Variants in LRMDA observed in about 807,000 individuals in gnomAD.
LRMDA encodes leucine rich melanocyte differentiation associated, also known as leucine-rich melanocyte differentiation-associated protein.
In LRMDA, 18 loss-of-function variants were observed where a neutral mutation model predicts 29.8. The observed-to-expected ratio is 0.60, with a 90% confidence interval of 0.42 to 0.90. The LOEUF (loss-of-function observed/expected upper bound fraction) is 0.90, where lower values mean the gene tolerates loss of function less well. Ranked by LOEUF, LRMDA falls within the 40% of genes least tolerant of loss-of-function variation. The probability of loss-of-function intolerance (pLI) is 0.00; values close to 1 mark genes in which losing one functional copy is unlikely to be tolerated. For synonymous variants in LRMDA, 125 were observed against 109.4 expected, an observed-to-expected ratio of 1.14 and a Z score of -0.89; for missense variants, 273 against 273.9, an observed-to-expected ratio of 1.00 and a Z score of 0.02.
rs565930075 is a variant in LRMDA, at chr10:75,692,466, C to T, written c.131+253972C>T. Among the ~76,000 whole-genome samples, 290 of 150,318 alleles carry T rather than the reference C, an allele frequency of 1.9e-3. 2 individuals are homozygous for T. Among genetic ancestry groups the T allele is most frequent in the African/African-American group, 6.6e-3 (269 of 41,002 alleles). On this transcript the variant is annotated intron_variant, in intron 2 of 6. Transcript: ENST00000611255. ...ATATATGTATATACAAGTGTATACA[C>T]ACATACACATACACACGTATACATA... is the stretch of plus-strand genomic sequence containing the variant.
intron 2 of LRMDA, among the ~76,000 whole-genome samples, chr10:75,490,027 C>A (rs1314599488): frequency 6.6e-6 from 1 of 152,062 alleles, no homozygotes; most frequent in Non-Finnish European, 1.5e-5. Flanking sequence ...ATGATTATAG[C>A]AGTTACTGTG....
chr10:76,456,894 T>A (rs1842462376), intron 6 of LRMDA, among the ~76,000 whole-genome samples: 1 of 152,194 alleles, frequency 6.6e-6, no homozygotes, highest in Non-Finnish European at 1.5e-5. Flanking sequence ...AACACAGAAC[T>A]TGTTTGGAAT....
intron 2 of LRMDA, among the ~76,000 whole-genome samples, chr10:75,470,885 A>C (rs142807613): frequency 3.9e-5 from 6 of 152,114 alleles, no homozygotes; most frequent in Non-Finnish European, 8.8e-5. Flanking sequence ...GCTTTCCCAT[A>C]CCTGAAGGAT....
chr10:76,456,363 G>A (rs1443856293), intron 6 of LRMDA, among the ~76,000 whole-genome samples: 2 of 152,252 alleles, frequency 1.3e-5, no homozygotes, highest in Admixed American at 6.5e-5. Flanking sequence ...AGTTCTCAAA[G>A]GAAATAGTAG....
At position 76,167,768 on chromosome 10, in the gene LRMDA, T is replaced by C. The variant is rs144748799; in HGVS notation, c.516+108985T>C. ...TTTTGGTTCCATATGAATTTTAAAA[T>C]AGTTTCTTGTAGTTCTTTGACTAAT... On this transcript the variant is annotated intron_variant, in intron 5 of 6. Coordinates refer to ENST00000611255, the MANE Select transcript of LRMDA (RefSeq NM_001305581.2). Among the ~76,000 whole-genome samples the C allele has an allele frequency of 2.1e-3, 323 of 152,304 alleles. 3 individuals are homozygous for C. Among genetic ancestry groups the C allele is most frequent in the African/African-American group, 7.2e-3 (300 of 41,574 alleles).
intron 6 of LRMDA, among the ~76,000 whole-genome samples, chr10:76,344,880 C>T (rs936199575): frequency 1.4e-5 from 2 of 143,378 alleles, no homozygotes; most frequent in Non-Finnish European, 3.0e-5. Flanking sequence ...GGATACGTTG[C>T]AAATGGATTA....
intron 5 of LRMDA, among the ~76,000 whole-genome samples, chr10:76,193,305 T>C (rs1038139724): frequency 1.3e-5 from 2 of 152,190 alleles, no homozygotes; most frequent in African/African-American, 4.8e-5. Context: ...TTTAAACATG[T>C]CTTTGATTGC....
intron 2 of LRMDA, among the ~76,000 whole-genome samples, chr10:75,466,781 T>C (rs1844656050): frequency 6.6e-6 from 1 of 152,104 alleles, no homozygotes; most frequent in African/African-American, 2.4e-5. Context: ...CTACTGAATC[T>C]ACCCTTTTCA....
chr10:76,007,205 G>C (rs1847687044), intron 2 of LRMDA, among the ~76,000 whole-genome samples: 1 of 152,078 alleles, frequency 6.6e-6, no homozygotes, highest in Admixed American at 6.5e-5. Flanking sequence ...TAAACCTCAG[G>C]CCATTATGCG....
At chr10:76,401,674 A>G (rs1305765075) in intron 6 of LRMDA, among the ~76,000 whole-genome samples, 1 of 152,156 alleles carries the variant, frequency 6.6e-6, no homozygotes, top group African/African-American at 2.4e-5. Context: ...CAGGTCACAG[A>G]GTAAGGACCC....
At chr10:75,735,886 G>T (rs1417192374) in intron 2 of LRMDA, among the ~76,000 whole-genome samples, 2 of 152,152 alleles carry the variant, frequency 1.3e-5, no homozygotes, top group Admixed American at 1.3e-4. Flanking sequence ...GACACACACT[G>T]TTACTTATAA....
At chr10:75,981,624 C>T (rs548381516) in intron 2 of LRMDA, among the ~76,000 whole-genome samples, 7 of 152,168 alleles carry the variant, frequency 4.6e-5, no homozygotes, top group South Asian at 2.1e-4. Context: ...GAGGCTGAGG[C>T]GGGCAGATCA....
At position 76,261,361 on chromosome 10, in the gene LRMDA, T is replaced by A. The variant is rs1247477; in HGVS notation, c.517-63040T>A. On this transcript the variant is annotated intron_variant, in intron 5 of 6. Coordinates refer to ENST00000611255, the MANE Select transcript of LRMDA (RefSeq NM_001305581.2). ...TGCTGGGATTACAGGCGTGAGCTAC[T>A]GCGCCCGGCTGGCTTGCGTTTCAAT... 8.6e-5 allele frequency among the ~76,000 whole-genome samples: 13 copies of A among 151,898 alleles called. No homozygotes were observed. In the East Asian group the frequency reaches 2.1e-3, roughly 25 times the overall value.
At chr10:75,595,479 GTCT>G (rs1840774515) in intron 2 of LRMDA, among the ~76,000 whole-genome samples, 1 of 151,302 alleles carries the variant, frequency 6.6e-6, no homozygotes, top group South Asian at 2.1e-4. Context: ...TTGGGCCAGA[GTCT>G]TCTCTCTCTT....
intron 6 of LRMDA, among the ~76,000 whole-genome samples, chr10:76,418,459 T>A (rs969446156): frequency 3.3e-4 from 50 of 152,142 alleles, no homozygotes; most frequent in African/African-American, 1.2e-3. Context: ...GATGCTAGTA[T>A]ATAAAGATTG....
At chr10:75,523,117 A>C (rs1433378527) in intron 2 of LRMDA, among the ~76,000 whole-genome samples, 1 of 152,184 alleles carries the variant, frequency 6.6e-6, no homozygotes, top group Admixed American at 6.5e-5. Flanking sequence ...CTCTTTCCTC[A>C]TGAAGGTATT....
intron 6 of LRMDA, among the ~76,000 whole-genome samples, chr10:76,522,590 G>A (rs1281783205): frequency 2.0e-5 from 3 of 152,168 alleles, no homozygotes; most frequent in Non-Finnish European, 4.4e-5. Flanking sequence ...GATCTTATAC[G>A]TGGCAGTGGG....
chr10:76,162,742 C>T (rs1412818428), intron 5 of LRMDA, among the ~76,000 whole-genome samples: 1 of 152,132 alleles, frequency 6.6e-6, no homozygotes, highest in Non-Finnish European at 1.5e-5. Flanking sequence ...ACCTCTAATC[C>T]TGGGATTACA....
At chr10:75,477,638 G>A (rs1281820734) in intron 2 of LRMDA, among the ~76,000 whole-genome samples, 1 of 152,220 alleles carries the variant, frequency 6.6e-6, no homozygotes, top group Admixed American at 6.5e-5. Context: ...TGTGATGAAG[G>A]CTGGATTTTT....
Sources: allele counts gnomAD v4.1 joint callset (sites outside exome capture counted in the v4.1 genomes callset), GRCh38; gene constraint gnomAD v4.1.1; transcripts MANE v1.5; gene names NCBI Gene and HGNC (gene_info 2026-07-23, HGNC 2026-07-21).